The following LINGO2 variants were observed in gnomAD, a reference collection of about 807,000 sequenced individuals.
The protein encoded by LINGO2 is leucine-rich repeat and immunoglobulin-like domain-containing nogo receptor-interacting protein 2.
A neutral mutation model predicts 30.6 loss-of-function variants in LINGO2; 14 were observed. That is an observed-to-expected ratio of 0.46 (90% CI 0.30 to 0.72). LINGO2 has a LOEUF of 0.72. Ranked by LOEUF, LINGO2 falls within the 30% of genes least tolerant of loss-of-function variation. The pLI, the probability that LINGO2 is intolerant of heterozygous loss-of-function variation, is 0.07. For missense variants in LINGO2, 729 were observed against 751.7 expected (o/e 0.97, Z 0.35); for synonymous variants, 317 against 288.5 (o/e 1.10, Z -1.00).
At chr9:28,646,949 A>C (rs1428657391) in intron 1 of LINGO2, among the ~76,000 whole-genome samples, 1 of 152,238 alleles carries the variant, frequency 6.6e-6, no homozygotes. Context: ...AACATAGGTC[A>C]GTTTCTGGAA....
intron 3 of LINGO2, among the ~76,000 whole-genome samples, chr9:28,362,887 A>G (rs1820507696): frequency 6.6e-6 from 1 of 152,214 alleles, no homozygotes; most frequent in Non-Finnish European, 1.5e-5. Flanking sequence ...TAATTCTCCC[A>G]GCATCTGAGC....
At chr9:28,836,321 T>C in the LINGO2 span, among the ~76,000 whole-genome samples, 1 of 152,056 alleles carries the variant, frequency 6.6e-6, no homozygotes, top group Non-Finnish European at 1.5e-5. Flanking sequence ...ATCCTAACTA[T>C]ATATATATTT....
intron 2 of LINGO2, among the ~76,000 whole-genome samples, chr9:28,375,859 C>T (rs1821109845): frequency 6.6e-6 from 1 of 152,106 alleles, no homozygotes; most frequent in Non-Finnish European, 1.5e-5. Flanking sequence ...GAGACACTGC[C>T]TCTGAGAGGG....
chr9:28,264,763 T>G (rs1170981024), intron 4 of LINGO2, among the ~76,000 whole-genome samples: 1 of 151,984 alleles, frequency 6.6e-6, no homozygotes, highest in Non-Finnish European at 1.5e-5. Context: ...CTGTGATAGT[T>G]TCATGTGTCA....
intron 4 of LINGO2, among the ~76,000 whole-genome samples, chr9:28,045,417 A>G (rs1462685270): frequency 6.6e-6 from 1 of 152,202 alleles, no homozygotes; most frequent in Non-Finnish European, 1.5e-5. Context: ...TAGCTCTAGC[A>G]ACTTATAAAG....
At chr9:28,083,060 T>C (rs551587790) in intron 4 of LINGO2, among the ~76,000 whole-genome samples, 1 of 152,298 alleles carries the variant, frequency 6.6e-6, no homozygotes, top group African/African-American at 2.4e-5. Context: ...CCTGATTCTC[T>C]ACTAAATTGA....
At chr9:28,913,293 C>T in the LINGO2 span, among the ~76,000 whole-genome samples, 110,812 of 151,740 alleles carry the variant, frequency 0.73, 40,685 homozygotes, top group Non-Finnish European at 0.78. Context: ...TGTATAAATG[C>T]CTGTTCAGTG....
At chr9:28,927,006 T>C in the LINGO2 span, among the ~76,000 whole-genome samples, 2 of 152,222 alleles carry the variant, frequency 1.3e-5, no homozygotes, top group Admixed American at 6.5e-5. Context: ...CTGCTGTTTT[T>C]TCTTCTTACA....
At chr9:29,166,402 C>T in the LINGO2 span, among the ~76,000 whole-genome samples, 1 of 152,012 alleles carries the variant, frequency 6.6e-6, no homozygotes, top group African/African-American at 2.4e-5. Context: ...GAGAGAAAGA[C>T]AGAAACCATC....
chr9:28,574,716 T>C (rs974535588), intron 1 of LINGO2, among the ~76,000 whole-genome samples: 2 of 152,146 alleles, frequency 1.3e-5, no homozygotes, highest in African/African-American at 4.8e-5. Flanking sequence ...GTAACACAAA[T>C]TCTCAGAATG....
At chr9:28,691,025 C>A in the LINGO2 span, among the ~76,000 whole-genome samples, 1 of 152,022 alleles carries the variant, frequency 6.6e-6, no homozygotes, top group East Asian at 1.9e-4. Context: ...GATAGAAAAC[C>A]CAGTACAATT....
At chr9:28,876,898 C>G in the LINGO2 span, among the ~76,000 whole-genome samples, 12 of 152,100 alleles carry the variant, frequency 7.9e-5, no homozygotes, top group Non-Finnish European at 2.9e-5. Context: ...TTCTCCACAT[C>G]CTCTCCAGCA....
chr9:28,038,422 G>C (rs143828028), intron 4 of LINGO2, among the ~76,000 whole-genome samples: 5 of 152,058 alleles, frequency 3.3e-5, no homozygotes, highest in African/African-American at 2.4e-5. Context: ...GGCTGGGCGC[G>C]GTGGCTCACG....
At chr9:28,685,903 C>T in the LINGO2 span, among the ~76,000 whole-genome samples, 1 of 151,664 alleles carries the variant, frequency 6.6e-6, no homozygotes, top group Non-Finnish European at 1.5e-5. Flanking sequence ...TACTAAAAGT[C>T]ATAACTACAG....
intron 5 of LINGO2, among the ~76,000 whole-genome samples, chr9:27,994,522 ATGC>A (rs980575855): frequency 6.6e-6 from 1 of 152,116 alleles, no homozygotes; most frequent in African/African-American, 2.4e-5. Flanking sequence ...TGGAACCAGC[ATGC>A]TGGATATGAG....
intron 3 of LINGO2, among the ~76,000 whole-genome samples, chr9:28,312,069 C>T (rs1824644568): frequency 6.6e-6 from 1 of 152,040 alleles, no homozygotes; most frequent in Non-Finnish European, 1.5e-5. Flanking sequence ...ACAAGTAAGG[C>T]TTCTTCTGAA....
At chr9:28,640,512 G>T (rs1338689317) in intron 1 of LINGO2, among the ~76,000 whole-genome samples, 4 of 127,812 alleles carry the variant, frequency 3.1e-5, no homozygotes, top group Non-Finnish European at 5.0e-5. Context: ...TGGAGGCCTT[G>T]TTCTTTTTTT....
the LINGO2 span, among the ~76,000 whole-genome samples, chr9:28,687,503 C>T: frequency 6.6e-6 from 1 of 152,008 alleles, no homozygotes; most frequent in African/African-American, 2.4e-5. Flanking sequence ...AGAAGCTGTC[C>T]TATAATATGT....
intron 2 of LINGO2, among the ~76,000 whole-genome samples, chr9:28,401,220 A>T (rs140668270): frequency 2.4e-4 from 36 of 152,244 alleles, no homozygotes; most frequent in African/African-American, 8.4e-4. Flanking sequence ...CAGATTTGTT[A>T]CATAGGTATA....
Sources: allele counts gnomAD v4.1 joint callset (sites outside exome capture counted in the v4.1 genomes callset), GRCh38; gene constraint gnomAD v4.1.1; transcripts MANE v1.5; gene names NCBI Gene and HGNC (gene_info 2026-07-23, HGNC 2026-07-21).